Variants in FCAMR observed in about 807,000 individuals in gnomAD.
FCAMR encodes Fc alpha and mu receptor, also known as high affinity immunoglobulin alpha and immunoglobulin mu Fc receptor.
In FCAMR, 51 loss-of-function variants were observed where a neutral mutation model predicts 52.2. That is an observed-to-expected ratio of 0.98 (90% CI 0.78 to 1.23). The LOEUF (loss-of-function observed/expected upper bound fraction) is 1.23. FCAMR is among the 50% of genes most tolerant of loss of function. FCAMR has a pLI of 0.00. For synonymous variants in FCAMR, 282 were observed against 262.0 expected, an observed-to-expected ratio of 1.08 and a Z score of -0.74; for missense variants, 719 against 712.6, an observed-to-expected ratio of 1.01 and a Z score of -0.10.
At position 206,959,807 on chromosome 1, in the gene FCAMR, G is replaced by A. The variant is rs925817262; in HGVS notation, c.1455-10C>T. The A allele has an allele frequency of 1.2e-6, 2 of 1,602,898 alleles. No individual in the cohort carries two copies. Among genetic ancestry groups the A allele is most frequent in the Non-Finnish European group, 1.7e-6 (2 of 1,169,752 alleles). On this transcript the variant is annotated splice_polypyrimidine_tract_variant and intron_variant, in intron 6 of 7. Coordinates refer to ENST00000324852, the MANE Select transcript of FCAMR (RefSeq NM_001170631.2). ...ATCTTCTGGAAAAGTACTACAGTGG[G>A]GGTGGAAAGAGCACAGGGGAGAGGA...
chr1:206,959,908 C>G (rs1572658902), intron 6 of FCAMR, 111 bp from the exon 7 acceptor site: 2 of 845,052 alleles, frequency 2.4e-6, no homozygotes, highest in Admixed American at 1.9e-5. Flanking sequence ...GAGGCCAAAG[C>G]AAATGGGCAG....
intron 2 of FCAMR, among the ~76,000 whole-genome samples, chr1:206,967,337 A>G (rs1477219884): frequency 6.6e-6 from 1 of 152,196 alleles, no homozygotes; most frequent in Non-Finnish European, 1.5e-5. Context: ...CGAGGCCAAA[A>G]TGTCCCTTAC....
Position 206,958,544 on chromosome 1 carries a change from G to T in FCAMR, c.1706C>A (p.Thr569Asn). ...GGGTCCTGGATTTCTCTCTGGGGCA[G>T]TCAGGCTGGCCCCAGCAGGAAGAGA... ...DDSLPAGASL[T>N]APERNPGP is the part of the protein sequence containing the mutation. Residue 569 changes from threonine (T) to asparagine (N), a missense_variant, in exon 8 of 8, where the codon ACT becomes AAT. Thr to Asn is a moderately conservative substitution (Grantham distance 65). Coordinates refer to ENST00000324852, the MANE Select transcript of FCAMR (RefSeq NM_001170631.2). 6.2e-7 allele frequency: 1 copy of T among 1,612,878 alleles called. No homozygotes were observed. The highest frequency in any genetic ancestry group is 8.5e-7 in the Non-Finnish European group (1 of 1,179,834).
intron 7 of FCAMR, 139 bp downstream of exon 7, chr1:206,959,540 A>G: frequency 4.7e-6 from 3 of 641,126 alleles, no homozygotes; most frequent in Non-Finnish European, 8.3e-6. Flanking sequence ...ACCAAGGCCA[A>G]GAGTGGTTAA....
chr1:206,958,854 C>T (rs1680368645), intron 7 of FCAMR, 178 bp from the exon 8 acceptor site: 1 of 759,468 alleles, frequency 1.3e-6, no homozygotes, highest in South Asian at 1.6e-5. Flanking sequence ...GACTTCGGGG[C>T]CTGGGTCTGA....
At chr1:206,965,900 T>C in intron 3 of FCAMR, 42 bp from the exon 4 acceptor site, 1 of 1,609,112 alleles carries the variant, frequency 6.2e-7, no homozygotes, top group Non-Finnish European at 8.5e-7. Context: ...GGGCCATCCA[T>C]GTGTCCACAA....
At chr1:206,964,493 T>C (rs983464439) in intron 4 of FCAMR, among the ~76,000 whole-genome samples, 8 of 151,860 alleles carry the variant, frequency 5.3e-5, no homozygotes, top group Non-Finnish European at 1.2e-4. Context: ...GGATCAGTCA[T>C]GAATGGTTTA....
At chr1:206,964,361 A>G (rs1680624766) in intron 4 of FCAMR, among the ~76,000 whole-genome samples, 1 of 152,038 alleles carries the variant, frequency 6.6e-6, no homozygotes, top group Non-Finnish European at 1.5e-5. Flanking sequence ...TCTGAACCCC[A>G]GAAAGTTCAG....
chr1:206,969,557 G>A (rs1558029162), intron 1 of FCAMR, among the ~76,000 whole-genome samples: 1 of 152,244 alleles, frequency 6.6e-6, no homozygotes, highest in Non-Finnish European at 1.5e-5. Flanking sequence ...GGAAGGGCAT[G>A]CACCTCACCT....
At chr1:206,968,669 C>T (rs534065871) in intron 1 of FCAMR, among the ~76,000 whole-genome samples, 1 of 151,536 alleles carries the variant, frequency 6.6e-6, no homozygotes, top group Non-Finnish European at 1.5e-5. Context: ...GAGGGAATCA[C>T]AAAGAGGAAA....
chr1:206,959,581 A>G (rs544747342), intron 7 of FCAMR, 98 bp downstream of exon 7: 1 of 881,728 alleles, frequency 1.1e-6, no homozygotes, highest in African/African-American at 1.7e-5. Context: ...GCTCTTCTAC[A>G]TTGAAAAGTC....
At position 206,967,068 on chromosome 1, in the gene FCAMR, T is replaced by C. The variant is rs1191346084; in HGVS notation, c.153A>G (p.Ile51Met). 1.2e-6 allele frequency: 2 copies of C among 1,613,880 alleles called. No individual in the cohort carries two copies. Among genetic ancestry groups the C allele is most frequent in the Admixed American group, 1.7e-5 (1 of 60,030 alleles). The change falls in exon 3 of 8, where the codon ATA becomes ATG. Residue 51 changes from isoleucine (I) to methionine (M), a missense_variant. Ile to Met is a conservative substitution (Grantham distance 10, BLOSUM62 1). Transcript: ENST00000324852. ...RAGWKMPLFL[I>M]LCLLQGSSFA... Reference sequence around the variant, plus strand: ...GGGACTCACCTTGTAGCAGGCACAGTATGAGGAAGAGGGGCATTTTCCATC... The same window carrying C: ...GGGACTCACCTTGTAGCAGGCACAGCATGAGGAAGAGGGGCATTTTCCATC...
intron 5 of FCAMR, among the ~76,000 whole-genome samples, chr1:206,961,482 T>A (rs1680506196): frequency 6.6e-6 from 1 of 152,254 alleles, no homozygotes; most frequent in African/African-American, 2.4e-5. Context: ...ATATTTTCTA[T>A]CCAGCTGTCT....
chr1:206,969,291 G>C, intron 1 of FCAMR: 1 of 456,414 alleles, frequency 2.2e-6, no homozygotes, highest in South Asian at 1.5e-5. Context: ...AGCCGGCTCC[G>C]TGGGGCAATG....
Position 206,959,758 on chromosome 1 carries a change from A to G in FCAMR, c.1494T>C (p.Ala498=). The change falls in exon 7 of 8, where the codon GCT becomes GCC. Residue 498 remains alanine (A), a synonymous_variant. Transcript: ENST00000324852. ...PEDESSSRTL[A]PVSTMLALFM... ...ACAGGGCCAGCATGGTAGAGACAGG[A>G]GCCAGGGTCCGAGAGCTGCTTTCAT... 1 of 1,614,156 alleles carries G rather than the reference A, an allele frequency of 6.2e-7. No individual in the cohort carries two copies. Among genetic ancestry groups the G allele is most frequent in the Non-Finnish European group, 8.5e-7 (1 of 1,180,016 alleles).
chr1:206,963,262 A>G (rs1417004703), intron 4 of FCAMR, among the ~76,000 whole-genome samples: 2 of 152,188 alleles, frequency 1.3e-5, no homozygotes, highest in Admixed American at 6.5e-5. Flanking sequence ...ATGCCACCAT[A>G]TAAGCACAGA....
rs752975338 is a variant in FCAMR at position 206,958,503 on chromosome 1, ATC to A, written c.*11_*12del. The A allele has an allele frequency of 1.6e-5, 26 of 1,607,586 alleles. No homozygotes were observed. The highest frequency in any genetic ancestry group is 2.2e-5 in the Non-Finnish European group (26 of 1,177,492). On this transcript the variant is annotated 3_prime_UTR_variant, in exon 8 of 8. Transcript: ENST00000324852. Reference sequence around the variant, plus strand: ...TTCTCCCATGGTAACTGAGCAGTTCATCTCTCTGTCCCTCAGGGTCCTGGATT... The same window carrying A: ...TTCTCCCATGGTAACTGAGCAGTTCATCTCTGTCCCTCAGGGTCCTGGATT...
rs780060252 is a variant in FCAMR, at chr1:206,960,761, AC to A, written c.1114del (p.Val372SerfsTer2). ...VRIALDAAKK[V>X]LGTIGPPALV... ...AGCTGGTGGCCCAATGGTTCCTAGG[AC>A]CTTTTTGGCTGCATCAAGAGCTATC... On this transcript the variant is annotated frameshift_variant, in exon 6 of 8. Coordinates refer to ENST00000324852, the MANE Select transcript of FCAMR (RefSeq NM_001170631.2). LOFTEE classifies it high-confidence loss of function. 7.3e-5 allele frequency: 113 copies of A among 1,552,084 alleles called. No individual in the cohort carries two copies. In the Middle Eastern group the frequency reaches 1.0e-3, roughly 14 times the overall value.
In FCAMR at chr1:206,961,114, C is replaced by G. The variant is rs374535427; in HGVS notation, c.762G>C (p.Gln254His). The G allele has an allele frequency of 6.4e-7, 1 of 1,551,798 alleles. No homozygotes were observed. The highest frequency in any genetic ancestry group is 8.7e-7 in the Non-Finnish European group (1 of 1,147,040). ...CCCATGCTGTCCCCTGTCCTAAGGT[C>G]TGGGTGGTTCCTGGGGTCCATCTGT... Reference protein sequence around the residue: ...VANRWTPGTTQTLGQGTAWDT... With the variant: ...VANRWTPGTTHTLGQGTAWDT... Residue 254 changes from glutamine (Q) to histidine (H), a missense_variant, in exon 6 of 8, where the codon CAG becomes CAC. Coordinates refer to ENST00000324852, the MANE Select transcript of FCAMR (RefSeq NM_001170631.2).
Sources: allele counts gnomAD v4.1 joint callset (sites outside exome capture counted in the v4.1 genomes callset), GRCh38; gene constraint gnomAD v4.1.1; transcripts MANE v1.5; gene names NCBI Gene and HGNC (gene_info 2026-07-23, HGNC 2026-07-21).